The following NEGR1 variants were observed in gnomAD, a reference collection of about 807,000 sequenced individuals.
The protein encoded by NEGR1 is IgLON family member 4.
A neutral mutation model predicts 40.9 loss-of-function variants in NEGR1; 10 were observed. The observed-to-expected ratio is 0.24, with a 90% CI of 0.15 to 0.42. The LOEUF (loss-of-function observed/expected upper bound fraction) is 0.42, where lower values mean the gene tolerates loss of function less well. Among genes scored for constraint, NEGR1 ranks in the 10% least tolerant of loss-of-function variants. The pLI is 1.00. For missense variants in NEGR1, 352 were observed against 438.9 expected (o/e 0.80, Z 1.77); for synonymous variants, 185 against 166.8 (o/e 1.11, Z -0.84).
intron 1 of NEGR1, among the ~76,000 whole-genome samples, chr1:72,195,587 C>A (rs1336151511): frequency 6.6e-6 from 1 of 151,110 alleles, no homozygotes; most frequent in Non-Finnish European, 1.5e-5. Flanking sequence ...TATAAAAAAA[C>A]ACAAAATATT....
chr1:71,525,923 A>G (rs1283751687), intron 6 of NEGR1, among the ~76,000 whole-genome samples: 1 of 151,572 alleles, frequency 6.6e-6, no homozygotes. Context: ...GCATTGATCT[A>G]TATCTTTAGT....
chr1:71,961,585 G>A (rs933635508), intron 1 of NEGR1, among the ~76,000 whole-genome samples: 1 of 152,068 alleles, frequency 6.6e-6, no homozygotes, highest in African/African-American at 2.4e-5. Flanking sequence ...AGGTGGTAAT[G>A]AGAATGGGTG....
At chr1:71,413,737 G>A (rs563150268) in intron 6 of NEGR1, among the ~76,000 whole-genome samples, 35 of 152,172 alleles carry the variant, frequency 2.3e-4, no homozygotes, top group Non-Finnish European at 2.9e-4. Flanking sequence ...GCTGAGTGGA[G>A]TGTAAGCCTT....
At chr1:71,593,279 C>A (rs1342929156) in intron 5 of NEGR1, among the ~76,000 whole-genome samples, 1 of 152,064 alleles carries the variant, frequency 6.6e-6, no homozygotes, top group Admixed American at 6.6e-5. Context: ...CCAATAATAT[C>A]TCATCTATTA....
intron 2 of NEGR1, among the ~76,000 whole-genome samples, chr1:71,929,475 C>G (rs1483625151): frequency 6.6e-6 from 1 of 152,066 alleles, no homozygotes; most frequent in South Asian, 2.1e-4. Flanking sequence ...TAATCTTGAT[C>G]TCCTCCACAG....
At chr1:72,038,189 T>C (rs554511020) in intron 1 of NEGR1, among the ~76,000 whole-genome samples, 4 of 152,220 alleles carry the variant, frequency 2.6e-5, no homozygotes, top group African/African-American at 7.2e-5. Context: ...AAGTCTGTTA[T>C]ATCCATGCTT....
chr1:72,094,525 C>T (rs1464833020), intron 1 of NEGR1, among the ~76,000 whole-genome samples: 2 of 152,116 alleles, frequency 1.3e-5, no homozygotes, highest in African/African-American at 4.8e-5. Flanking sequence ...GATGGATATT[C>T]CATAACTTAC....
At chr1:71,519,616 T>C (rs1647139392) in intron 6 of NEGR1, among the ~76,000 whole-genome samples, 1 of 118,788 alleles carries the variant, frequency 8.4e-6, no homozygotes, top group African/African-American at 3.3e-5. Context: ...CATTGGGAGA[T>C]ATACCTAATG....
At chr1:71,727,440 CATTT>C (rs1304830885) in intron 3 of NEGR1, among the ~76,000 whole-genome samples, 1 of 152,080 alleles carries the variant, frequency 6.6e-6, no homozygotes, top group Non-Finnish European at 1.5e-5. Context: ...ACACTTCAGA[CATTT>C]ATTAGGAATT....
chr1:72,019,679 T>C (rs558156636), intron 1 of NEGR1, among the ~76,000 whole-genome samples: 48 of 152,330 alleles, frequency 3.2e-4, no homozygotes, highest in African/African-American at 1.2e-3. Context: ...TGAATAATGG[T>C]TGAGCTTCAT....
At chr1:71,942,895 G>A (rs1645980151) in intron 1 of NEGR1, among the ~76,000 whole-genome samples, 1 of 149,004 alleles carries the variant, frequency 6.7e-6, no homozygotes, top group Non-Finnish European at 1.5e-5. Flanking sequence ...TCGAACTCCT[G>A]GACTCAAGCA....
At chr1:72,273,587 C>T (rs1655929358) in intron 1 of NEGR1, among the ~76,000 whole-genome samples, 1 of 151,954 alleles carries the variant, frequency 6.6e-6, no homozygotes, top group African/African-American at 2.4e-5. Flanking sequence ...TAACATAGCA[C>T]ATACACACAC....
intron 3 of NEGR1, among the ~76,000 whole-genome samples, chr1:71,767,993 C>T (rs1656190320): frequency 6.6e-6 from 1 of 152,208 alleles, no homozygotes; most frequent in Non-Finnish European, 1.5e-5. Context: ...GCTTGGAAGC[C>T]TCTGCTTAGA....
chr1:71,583,070 A>G (rs1281073474), intron 6 of NEGR1, among the ~76,000 whole-genome samples: 1 of 152,038 alleles, frequency 6.6e-6, no homozygotes, highest in Non-Finnish European at 1.5e-5. Flanking sequence ...TAAGTCCTGG[A>G]GTTGAGGAGA....
At chr1:71,827,113 C>T (rs1179725449) in intron 2 of NEGR1, among the ~76,000 whole-genome samples, 2 of 151,206 alleles carry the variant, frequency 1.3e-5, no homozygotes, top group African/African-American at 2.4e-5. Context: ...TGATGAAATC[C>T]AGTTTGGTAT....
At chr1:72,126,091 A>G (rs1385914) in intron 1 of NEGR1, among the ~76,000 whole-genome samples, 60,602 of 146,722 alleles carry the variant, frequency 0.41, 13,520 homozygotes, top group Admixed American at 0.54. Flanking sequence ...AGAGAAAAGT[A>G]TGTGTGTGTG....
At chr1:72,058,055 G>A (rs1647128335) in intron 1 of NEGR1, among the ~76,000 whole-genome samples, 2 of 151,384 alleles carry the variant, frequency 1.3e-5, no homozygotes, top group African/African-American at 2.4e-5. Context: ...TACTGACTTA[G>A]TTGGGAAACA....
At chr1:71,633,712 C>A (rs1336465332) in intron 4 of NEGR1, among the ~76,000 whole-genome samples, 1 of 152,116 alleles carries the variant, frequency 6.6e-6, no homozygotes, top group Non-Finnish European at 1.5e-5. Flanking sequence ...TTTGCAAGTA[C>A]ATGAGAGGAA....
intron 3 of NEGR1, among the ~76,000 whole-genome samples, chr1:71,735,699 G>T (rs899963837): frequency 7.2e-5 from 11 of 151,732 alleles, no homozygotes; most frequent in African/African-American, 2.4e-4. Context: ...AAATGTAAAA[G>T]TACATAATTA....
Sources: gnomAD v4.1 joint callset for allele counts (sites outside exome capture counted in the v4.1 genomes callset) on GRCh38, gnomAD v4.1.1 for gene constraint, MANE v1.5 for transcripts, NCBI Gene and HGNC (gene_info 2026-07-23, HGNC 2026-07-21) for gene names.